The following FBXW4 variants were observed in gnomAD, a reference collection of about 807,000 sequenced individuals.
FBXW4 encodes F-box and WD repeat domain containing 4.
In FBXW4, 40 loss-of-function variants were observed where a neutral mutation model predicts 61.8. That is an observed-to-expected ratio of 0.65 (90% CI 0.50 to 0.84). The LOEUF (loss-of-function observed/expected upper bound fraction) is 0.84. Ranked by LOEUF, FBXW4 falls within the 40% of genes least tolerant of loss-of-function variation. The pLI, the probability that FBXW4 is intolerant of heterozygous loss-of-function variation, is 0.00. For missense variants in FBXW4, 672 were observed against 753.8 expected, an observed-to-expected ratio of 0.89 and a Z score of 1.27; for synonymous variants, 311 against 313.8, an observed-to-expected ratio of 0.99 and a Z score of 0.10.
chr10:101,612,301 C>T, intron 7 of FBXW4, 36 bp downstream of exon 7: 1 of 1,496,956 alleles, frequency 6.7e-7, no homozygotes, highest in Non-Finnish European at 9.0e-7. Context: ...TGGTGCAGGG[C>T]CCCCACCACC....
At chr10:101,616,565 C>A (rs952692393) in intron 6 of FBXW4, among the ~76,000 whole-genome samples, 1 of 152,200 alleles carries the variant, frequency 6.6e-6, no homozygotes, top group Non-Finnish European at 1.5e-5. Flanking sequence ...GGGGTGTTGA[C>A]TGATTCTTCA....
At chr10:101,616,078 C>A (rs1307456525) in intron 6 of FBXW4, among the ~76,000 whole-genome samples, 1 of 152,148 alleles carries the variant, frequency 6.6e-6, no homozygotes, top group African/African-American at 2.4e-5. Context: ...GCTCTGGAGA[C>A]CCAGATGCTC....
chr10:101,664,782 G>C (rs2064282727), intron 5 of FBXW4, among the ~76,000 whole-genome samples: 1 of 152,182 alleles, frequency 6.6e-6, no homozygotes, highest in Non-Finnish European at 1.5e-5. Context: ...GAGGCCAGGA[G>C]TTCATAATCA....
At chr10:101,631,826 G>A (rs374663611) in intron 5 of FBXW4, among the ~76,000 whole-genome samples, 135 of 152,022 alleles carry the variant, frequency 8.9e-4, no homozygotes, top group African/African-American at 2.3e-3. Context: ...ATGGGGTTTC[G>A]CCGTGTTAGC....
At chr10:101,646,961 T>C (rs1315821046) in intron 5 of FBXW4, among the ~76,000 whole-genome samples, 1 of 152,158 alleles carries the variant, frequency 6.6e-6, no homozygotes, top group African/African-American at 2.4e-5. Context: ...AGGTTTTCTA[T>C]CGCCTGGCGG....
In FBXW4 at chr10:101,694,591, T is replaced by C; in HGVS notation, c.515A>G (p.Glu172Gly). Residue 172 changes from glutamate (E) to glycine (G), a missense_variant, in exon 1 of 9, where the codon GAG (glutamate) becomes GGG (glycine). Around this residue, in one of 5 missense-constraint regions of FBXW4, gnomAD observed 311 missense variants for 301.1 expected, o/e 1.03. Coordinates refer to ENST00000331272, the MANE Select transcript of FBXW4 (RefSeq NM_022039.4). The surrounding 1 kb of genome is among the most constrained non-coding windows in gnomAD (Gnocchi z 6.0). Reference sequence around the variant, plus strand: ...CCCCGCGGCCGGGCGGGCAGCCGACTCCCGAGCCGCCTCCTCCTCCTCCTC... The same window carrying C: ...CCCCGCGGCCGGGCGGGCAGCCGACCCCCGAGCCGCCTCCTCCTCCTCCTC... ...EEEEEEEAARESAARPAAGPA... is the reference protein window; with the variant it reads ...EEEEEEEAARGSAARPAAGPA... The C allele has an allele frequency of 6.9e-7, 1 of 1,452,630 alleles. No individual in the cohort carries two copies. Among genetic ancestry groups the C allele is most frequent in the Non-Finnish European group, 9.0e-7 (1 of 1,112,554 alleles). The allele number at this position is 1,452,630 out of a possible 1,614,324, so 90.0% of individuals were successfully genotyped here. A position where few individuals can be genotyped will look rare whatever the true frequency, so the allele number is the denominator to read the frequency against.
chr10:101,663,814 G>C (rs1179859904), intron 5 of FBXW4, among the ~76,000 whole-genome samples: 1 of 152,118 alleles, frequency 6.6e-6, no homozygotes. Context: ...TCATTCCTGG[G>C]CCATCTTAAC....
At chr10:101,666,753 T>C (rs1173122075) in intron 5 of FBXW4, among the ~76,000 whole-genome samples, 1 of 152,090 alleles carries the variant, frequency 6.6e-6, no homozygotes, top group African/African-American at 2.4e-5. Flanking sequence ...CAAACCTCAC[T>C]TGTCCATAGG....
intron 5 of FBXW4, among the ~76,000 whole-genome samples, chr10:101,650,246 C>T (rs758396006): frequency 3.3e-5 from 5 of 152,142 alleles, no homozygotes; most frequent in Non-Finnish European, 7.4e-5. Flanking sequence ...CCACTTAGGC[C>T]CTAGTTCCTA....
Position 101,694,270 on chromosome 10 carries a change from G to C in FBXW4, c.725+111C>G. 9.3e-7 allele frequency: 1 copy of C among 1,080,928 alleles called. No individual in the cohort carries two copies. The allele number at this position is 1,080,928 out of a possible 1,614,324, so 67.0% of individuals were successfully genotyped here. Reference sequence around the variant, plus strand: ...TAGGCGGAGGTCAGGTGTAGGCCTAGAAACTCGGGGTGCGACACGACCCTG... The same window carrying C: ...TAGGCGGAGGTCAGGTGTAGGCCTACAAACTCGGGGTGCGACACGACCCTG... On this transcript the variant is annotated intron_variant, in intron 1 of 8. Transcript: ENST00000331272. This position sits in a 1 kb window ranked among gnomAD's most constrained non-coding sequence, Gnocchi z 6.0.
chr10:101,623,533 T>C (rs1589743070), intron 6 of FBXW4, among the ~76,000 whole-genome samples: 1 of 152,052 alleles, frequency 6.6e-6, no homozygotes, highest in Non-Finnish European at 1.5e-5. Context: ...GCTTGGCAGG[T>C]AAAAAAACTA....
At chr10:101,681,284 A>G (rs1273374610) in intron 1 of FBXW4, among the ~76,000 whole-genome samples, 1 of 151,940 alleles carries the variant, frequency 6.6e-6, no homozygotes, top group African/African-American at 2.4e-5. Context: ...GCTACTCGGG[A>G]GGCTAAGGCA....
At chr10:101,654,959 G>A (rs2064173834) in intron 5 of FBXW4, among the ~76,000 whole-genome samples, 1 of 152,190 alleles carries the variant, frequency 6.6e-6, no homozygotes, top group African/African-American at 2.4e-5. Flanking sequence ...GAGTAGCTGG[G>A]ACTACAGGAG....
intron 5 of FBXW4, among the ~76,000 whole-genome samples, chr10:101,640,171 C>T (rs2064038647): frequency 6.6e-6 from 1 of 152,330 alleles, no homozygotes. Flanking sequence ...CCTGGAACTT[C>T]AGAAAGGAGA....
At chr10:101,614,785 G>T (rs1460849363) in intron 6 of FBXW4, among the ~76,000 whole-genome samples, 2 of 152,304 alleles carry the variant, frequency 1.3e-5, no homozygotes, top group East Asian at 1.9e-4. Context: ...AAACTGACAC[G>T]CCAGGCTCTG....
rs189946646 is a variant in FBXW4, at chr10:101,684,754, C to A, written c.726-8318G>T. On this transcript the variant is annotated intron_variant, in intron 1 of 8. Transcript: ENST00000331272. ...CATTTATACTTGCATTAGCCTGAAT[C>A]TTCCAATAGCTTCAGTAGCAGAGGT... Among the ~76,000 whole-genome samples, 5 of 152,314 alleles carry A rather than the reference C, an allele frequency of 3.3e-5. No homozygotes were observed. In the East Asian group the frequency reaches 7.7e-4, roughly 24 times the overall value.
chr10:101,678,218 C>G (rs1261587199), intron 1 of FBXW4, among the ~76,000 whole-genome samples: 1 of 152,176 alleles, frequency 6.6e-6, no homozygotes, highest in Admixed American at 6.5e-5. Context: ...GGGAGAAGAG[C>G]TCTAAGCCCC....
Position 101,677,737 on chromosome 10 carries a change from G to A in FBXW4, c.726-1301C>T, listed in dbSNP as rs1298449259. 1.9e-4 allele frequency among the ~76,000 whole-genome samples: 28 copies of A among 151,078 alleles called. 1 individual carries two copies. The highest frequency in any genetic ancestry group is 1.9e-3 in the Admixed American group (28 of 15,132). ...GGAATTCGAGGTTACAGTGAGCAGT[G>A]ATTCCACCACTGCACTCCAGCCTAG... On this transcript the variant is annotated intron_variant, in intron 1 of 8. Coordinates refer to ENST00000331272, the MANE Select transcript of FBXW4 (RefSeq NM_022039.4).
intron 5 of FBXW4, among the ~76,000 whole-genome samples, chr10:101,639,360 A>C (rs1323598661): frequency 7.2e-5 from 11 of 152,162 alleles, no homozygotes; most frequent in Admixed American, 7.2e-4. Context: ...TAATAATGTG[A>C]GGGGGAGGAG....
Sources: gnomAD v4.1 joint callset for allele counts (sites outside exome capture counted in the v4.1 genomes callset) on GRCh38, gnomAD v4.1.1 for gene constraint, gnomAD v4.1.1 regional missense constraint, Gnocchi (gnomAD v3.1) non-coding constraint, MANE v1.5 for transcripts, NCBI Gene and HGNC (gene_info 2026-07-23, HGNC 2026-07-21) for gene names.